Variants in PDE1A observed in about 807,000 individuals in gnomAD.
The protein encoded by PDE1A is dual specificity calcium/calmodulin-dependent 3',5'-cyclic nucleotide phosphodiesterase 1A.
Under a neutral mutation model 61.7 loss-of-function variants are expected in PDE1A, and 35 were observed. The ratio of observed to expected loss-of-function variants is 0.57; its 90% CI spans 0.43 to 0.75. The LOEUF is 0.75. Ranked by LOEUF, PDE1A falls within the 30% of genes least tolerant of loss-of-function variation. PDE1A has a pLI of 0.00. For synonymous variants in PDE1A, 232 were observed against 213.2 expected (o/e 1.09, Z -0.77); for missense variants, 597 against 630.6 (o/e 0.95, Z 0.57).
chr2:182,450,952 T>A (rs1394524792), intron 2 of PDE1A, among the ~76,000 whole-genome samples: 1 of 152,184 alleles, frequency 6.6e-6, no homozygotes, highest in African/African-American at 2.4e-5. Flanking sequence ...CTGAGAAATC[T>A]AATTTACAAA....
chr2:182,706,736 A>G, the PDE1A span, among the ~76,000 whole-genome samples: 1 of 152,186 alleles, frequency 6.6e-6, no homozygotes, highest in East Asian at 1.9e-4. Context: ...AAAGAGACCA[A>G]TTACATGCTA....
the PDE1A span, among the ~76,000 whole-genome samples, chr2:182,644,457 A>G: frequency 1.3e-5 from 2 of 152,190 alleles, no homozygotes; most frequent in South Asian, 4.1e-4. Context: ...ATGCTCTTCT[A>G]ATACAGTAAA....
At chr2:182,516,773 G>GAA (rs1690204795) in intron 2 of PDE1A, among the ~76,000 whole-genome samples, 1 of 120,484 alleles carries the variant, frequency 8.3e-6, no homozygotes, top group Non-Finnish European at 1.7e-5. Flanking sequence ...AAGAAAGAAA[G>GAA]AAAGAAAGAA....
chr2:182,197,269 T>C (rs1037725467), intron 10 of PDE1A, among the ~76,000 whole-genome samples: 9 of 151,850 alleles, frequency 5.9e-5, no homozygotes, highest in Non-Finnish European at 1.2e-4. Context: ...CTTTTTACTA[T>C]TGATTTGTTG....
chr2:182,336,706 G>A (rs1574387185), intron 1 of PDE1A, among the ~76,000 whole-genome samples: 1 of 150,644 alleles, frequency 6.6e-6, no homozygotes, highest in South Asian at 2.1e-4. Context: ...ACCATGGCAC[G>A]TGTATACCTA....
intron 2 of PDE1A, among the ~76,000 whole-genome samples, chr2:182,259,005 G>A (rs902249615): frequency 2.0e-5 from 3 of 152,166 alleles, no homozygotes; most frequent in Non-Finnish European, 4.4e-5. Context: ...TTACCAGTGT[G>A]TCTGGTATTC....
chr2:182,261,340 G>A lies in PDE1A; in HGVS notation c.167+2961C>T, dbSNP rs530966656. Among the ~76,000 whole-genome samples the A allele has an allele frequency of 2.6e-3, 395 of 152,224 alleles. 1 individual carries two copies. The highest frequency in any genetic ancestry group is 9.2e-3 in the African/African-American group (381 of 41,528). Reference sequence around the variant, plus strand: ...GCTTTAATTATCTCATTAGTAAAATGCAGAAAGTAATAATCATCCTGCCAA... The same window carrying A: ...GCTTTAATTATCTCATTAGTAAAATACAGAAAGTAATAATCATCCTGCCAA... On this transcript the variant is annotated intron_variant, in intron 2 of 13. Coordinates refer to ENST00000351439, the Ensembl canonical transcript of PDE1A.
intron 1 of PDE1A, among the ~76,000 whole-genome samples, chr2:182,392,025 C>T (rs1220451032): frequency 6.6e-6 from 1 of 152,130 alleles, no homozygotes; most frequent in African/African-American, 2.4e-5. Context: ...TGAGGAAGAA[C>T]CCCACAACAC....
At chr2:182,235,746 C>T (rs1239263311) in intron 3 of PDE1A, among the ~76,000 whole-genome samples, 1 of 152,210 alleles carries the variant, frequency 6.6e-6, no homozygotes, top group Non-Finnish European at 1.5e-5. Context: ...ATTCTCCCTA[C>T]AAAAGGCCTG....
At chr2:182,683,161 C>T in the PDE1A span, among the ~76,000 whole-genome samples, 1 of 148,954 alleles carries the variant, frequency 6.7e-6, no homozygotes, top group East Asian at 2.0e-4. Context: ...GGTGCGATCT[C>T]GGCTCACTGC....
chr2:182,601,615 T>C, the PDE1A span, among the ~76,000 whole-genome samples: 4 of 152,174 alleles, frequency 2.6e-5, no homozygotes, highest in Admixed American at 1.3e-4. Flanking sequence ...GAAGAGAAGC[T>C]TTATTGAGCA....
At chr2:182,634,046 A>G in the PDE1A span, among the ~76,000 whole-genome samples, 4 of 151,748 alleles carry the variant, frequency 2.6e-5, no homozygotes, top group Non-Finnish European at 5.9e-5. Flanking sequence ...CCAAAATCAC[A>G]CCATTGTACT....
intron 2 of PDE1A, among the ~76,000 whole-genome samples, chr2:182,443,194 T>C (rs1466460749): frequency 6.6e-6 from 1 of 151,898 alleles, no homozygotes; most frequent in Non-Finnish European, 1.5e-5. Context: ...ACACACATTA[T>C]CTTTGAGAAT....
chr2:182,395,981 C>G (rs565177276), intron 1 of PDE1A, among the ~76,000 whole-genome samples: 2 of 152,282 alleles, frequency 1.3e-5, no homozygotes, highest in South Asian at 4.1e-4. Context: ...TAAAGTGGGT[C>G]ATGCACAGCA....
chr2:182,159,726 G>C (rs1004653898), intron 13 of PDE1A, among the ~76,000 whole-genome samples: 2 of 152,170 alleles, frequency 1.3e-5, no homozygotes, highest in African/African-American at 2.4e-5. Context: ...AGGCTGAGGA[G>C]AGAGGATCAC....
the PDE1A span, among the ~76,000 whole-genome samples, chr2:182,530,077 A>G: frequency 6.6e-6 from 1 of 152,218 alleles, no homozygotes; most frequent in South Asian, 2.1e-4. Flanking sequence ...CAAATTCAGG[A>G]AGCAAAACAC....
intron 1 of PDE1A, chr2:182,522,570 A>C: frequency 7.2e-7 from 1 of 1,389,004 alleles, no homozygotes; most frequent in East Asian, 2.6e-5. Context: ...ACTGCTCACC[A>C]CCTCACCACC....
At chr2:182,478,716 T>C (rs192785866) in intron 2 of PDE1A, among the ~76,000 whole-genome samples, 40 of 152,028 alleles carry the variant, frequency 2.6e-4, no homozygotes, top group African/African-American at 9.4e-4. Context: ...ATTTCTTGGC[T>C]AGCACAAACT....
At chr2:182,659,855 A>G in the PDE1A span, among the ~76,000 whole-genome samples, 1 of 152,244 alleles carries the variant, frequency 6.6e-6, no homozygotes, top group Non-Finnish European at 1.5e-5. Context: ...CAAAGGTAAA[A>G]CAAAATACTA....
Sources: gnomAD v4.1 joint callset for allele counts (sites outside exome capture counted in the v4.1 genomes callset) on GRCh38, gnomAD v4.1.1 for gene constraint, MANE v1.5 for transcripts, NCBI Gene and HGNC (gene_info 2026-07-23, HGNC 2026-07-21) for gene names.